MSH4: variants seen among roughly 807,000 people sequenced by gnomAD.
The protein encoded by MSH4 is mutS homolog 4.
Under a neutral mutation model 113.7 loss-of-function variants are expected in MSH4, and 106 were observed. The observed-to-expected ratio is 0.93, with a 90% confidence interval of 0.80 to 1.10. MSH4 has a LOEUF of 1.10. Ranked by LOEUF, MSH4 falls within the 50% of genes least tolerant of loss-of-function variation. The probability of loss-of-function intolerance (pLI) is 0.00; values close to 1 mark genes in which losing one functional copy is unlikely to be tolerated. For synonymous variants in MSH4, 368 were observed against 380.2 expected (o/e 0.97, Z 0.37); for missense variants, 1,061 against 1,093.7 (o/e 0.97, Z 0.42).
intron 7 of MSH4, among the ~76,000 whole-genome samples, chr1:75,843,702 CAG>C (rs1651018299): frequency 6.6e-6 from 1 of 152,018 alleles, no homozygotes; most frequent in Non-Finnish European, 1.5e-5. Flanking sequence ...ACCATAGAAA[CAG>C]AAAATTAGAA....
At chr1:75,798,281 G>T (rs191254835) in intron 1 of MSH4, among the ~76,000 whole-genome samples, 2 of 152,172 alleles carry the variant, frequency 1.3e-5, no homozygotes, top group East Asian at 3.9e-4. Context: ...TTCTTGACTG[G>T]TCTTCTCTTA....
intron 15 of MSH4, among the ~76,000 whole-genome samples, chr1:75,888,938 A>G (rs1323068496): frequency 3.0e-5 from 4 of 134,724 alleles, no homozygotes; most frequent in East Asian, 4.3e-4. Context: ...TCTGTCGCCC[A>G]GGCTGGAATG....
At chr1:75,871,348 G>A (rs940470036) in intron 9 of MSH4, among the ~76,000 whole-genome samples, 2 of 152,122 alleles carry the variant, frequency 1.3e-5, no homozygotes, top group African/African-American at 4.8e-5. Context: ...TGGGTGGGGA[G>A]ACAAACCCTA....
chr1:75,878,138 C>T lies in MSH4; in HGVS notation c.1371-11C>T, dbSNP rs764524591. The T allele has an allele frequency of 5.2e-6, 8 of 1,541,022 alleles. No individual in the cohort carries two copies. Among genetic ancestry groups the T allele is most frequent in the Admixed American group, 2.2e-5 (1 of 45,446 alleles). On this transcript the variant is annotated splice_polypyrimidine_tract_variant and intron_variant, in intron 10 of 19. Transcript: ENST00000263187. The stretch of plus-strand genomic sequence containing the variant: ...TTGCCTATAATGTTTTTCTTTTGGC[C>T]TTAATATTAGGTTTGGAATCATACT...
chr1:75,890,112 A>G (rs543478440), intron 16 of MSH4, among the ~76,000 whole-genome samples: 24 of 152,176 alleles, frequency 1.6e-4, no homozygotes, highest in Admixed American at 3.9e-4. Context: ...TCATAATATA[A>G]TAAAGATAAA....
chr1:75,870,107 G>A (rs573783168), intron 9 of MSH4, among the ~76,000 whole-genome samples: 4 of 152,328 alleles, frequency 2.6e-5, no homozygotes, highest in African/African-American at 4.8e-5. Flanking sequence ...ACATGGAGTC[G>A]AAGGAGATCA....
At chr1:75,896,056 G>T (rs1652373456) in intron 17 of MSH4, among the ~76,000 whole-genome samples, 1 of 152,084 alleles carries the variant, frequency 6.6e-6, no homozygotes, top group Non-Finnish European at 1.5e-5. Context: ...CCCTAGGGTG[G>T]ATGGGTCCCA....
rs538783902 is a variant in MSH4 at position 75,835,667 on chromosome 1, G to C, written c.1163-12542G>C. ...TTCTCTCCATGGCCTTCTTCTAAGA[G>C]GATTTAAACTTCCTCATGTCTCTCC... On this transcript the variant is annotated intron_variant, in intron 7 of 19. Coordinates refer to ENST00000263187, the MANE Select transcript of MSH4 (RefSeq NM_002440.4). Among the ~76,000 whole-genome samples, 5 of 152,154 alleles carry C rather than the reference G, an allele frequency of 3.3e-5. No individual in the cohort carries two copies. The East Asian group carries it at 7.7e-4, about 24-fold the overall frequency.
rs1478740529 is a variant in MSH4 at position 75,902,671 on chromosome 1, A to G, written c.2619+2965A>G. On this transcript the variant is annotated intron_variant, in intron 19 of 19. Coordinates refer to ENST00000263187, the MANE Select transcript of MSH4 (RefSeq NM_002440.4). ...CTAGGTACAGGTGTTATATATGTGT[A>G]TGTATATATATATATATATATATAT... Among the ~76,000 whole-genome samples, 802 of 100,234 alleles carry G rather than the reference A, an allele frequency of 8.0e-3. 17 individuals carry two copies. Among genetic ancestry groups the G allele is most frequent in the Admixed American group, 0.04 (333 of 8,424 alleles). 65.8% of individuals were successfully genotyped at this position (100,234 alleles called of 152,430 possible). A position where few individuals can be genotyped will look rare whatever the true frequency, so the allele number is the denominator to read the frequency against.
At chr1:75,880,405 C>A (rs1651905743) in intron 13 of MSH4, among the ~76,000 whole-genome samples, 1 of 152,068 alleles carries the variant, frequency 6.6e-6, no homozygotes, top group Non-Finnish European at 1.5e-5. Flanking sequence ...GAACTTGGCA[C>A]ATCAGGGGCT....
chr1:75,900,554 A>C (rs577392010), intron 19 of MSH4, among the ~76,000 whole-genome samples: 1 of 151,880 alleles, frequency 6.6e-6, no homozygotes, highest in Non-Finnish European at 1.5e-5. Context: ...TGATCCACCA[A>C]CCTCGGGCTC....
Position 75,912,690 on chromosome 1 carries a change from T to G in MSH4, c.2620-6T>G. On this transcript the variant is annotated splice_polypyrimidine_tract_variant and splice_region_variant and intron_variant, in intron 19 of 19. Coordinates refer to ENST00000263187, the MANE Select transcript of MSH4 (RefSeq NM_002440.4). ...TATATATATATTTTTTTTTTTTCAA[T>G]GACAGCAAAACCAAAGGAGTACCCC... is the stretch of plus-strand genomic sequence containing the variant. 6.8e-7 allele frequency: 1 copy of G among 1,461,770 alleles called. No homozygotes were observed. The highest frequency in any genetic ancestry group is 9.0e-7 in the Non-Finnish European group (1 of 1,111,792). The allele number at this position is 1,461,770 out of a possible 1,614,324, so 90.5% of individuals were successfully genotyped here.
At chr1:75,861,963 G>A (rs115204566) in intron 8 of MSH4, among the ~76,000 whole-genome samples, 1 of 152,006 alleles carries the variant, frequency 6.6e-6, no homozygotes, top group African/African-American at 2.4e-5. Flanking sequence ...TACACTGTGT[G>A]TATAGAACCA....
chr1:75,869,917 C>T (rs1291813128), intron 9 of MSH4, among the ~76,000 whole-genome samples: 2 of 152,206 alleles, frequency 1.3e-5, no homozygotes, highest in Non-Finnish European at 2.9e-5. Flanking sequence ...GTCCTCCAGA[C>T]TCCAGAATGG....
chr1:75,841,903 C>T (rs1399766415), intron 7 of MSH4, among the ~76,000 whole-genome samples: 2 of 152,118 alleles, frequency 1.3e-5, no homozygotes, highest in Non-Finnish European at 2.9e-5. Flanking sequence ...ATTTTTTAAA[C>T]TATTGGCGAA....
intron 5 of MSH4, among the ~76,000 whole-genome samples, chr1:75,815,368 A>C (rs985938486): frequency 6.6e-6 from 1 of 152,178 alleles, no homozygotes; most frequent in African/African-American, 2.4e-5. Context: ...TACACAAGGC[A>C]TATATTGCTA....
rs377632992 is a variant in MSH4, at chr1:75,835,682, C to T, written c.1163-12527C>T. ...TCTTCTAAGAGGATTTAAACTTCCTCATGTCTCTCCTATCTTTGTAAAAAC... is the reference window on the plus strand; with the variant it reads ...TCTTCTAAGAGGATTTAAACTTCCTTATGTCTCTCCTATCTTTGTAAAAAC... On this transcript the variant is annotated intron_variant, in intron 7 of 19. Coordinates refer to ENST00000263187, the MANE Select transcript of MSH4 (RefSeq NM_002440.4). 4.1e-4 allele frequency among the ~76,000 whole-genome samples: 62 copies of T among 152,286 alleles called. 1 individual carries two copies. The highest frequency in any genetic ancestry group is 1.5e-3 in the African/African-American group (61 of 41,564).
Position 75,896,394 on chromosome 1 carries a change from C to CACACACACACACACACACACACAT in MSH4, c.2356-1513_2356-1512insACACACACACACACACACACACAT, listed in dbSNP as rs571761055. On this transcript the variant is annotated intron_variant, in intron 17 of 19. Transcript: ENST00000263187. ...ACACACACACACACACACACACACA[C>CACACACACACACACACACACACAT]CCTATTGGTCTCTTTCTCTGGAGAA... Among the ~76,000 whole-genome samples the CACACACACACACACACACACACAT allele has an allele frequency of 4.8e-5, 7 of 147,178 alleles. 1 individual carries two copies. Among genetic ancestry groups the CACACACACACACACACACACACAT allele is most frequent in the Admixed American group, 1.4e-4 (2 of 14,540 alleles).
intron 1 of MSH4, among the ~76,000 whole-genome samples, chr1:75,798,124 G>A (rs561364871): frequency 6.6e-6 from 1 of 152,208 alleles, no homozygotes; most frequent in Admixed American, 6.5e-5. Context: ...TGTATTTAAT[G>A]TTCTTAATTT....
Sources: gnomAD v4.1 joint callset for allele counts (sites outside exome capture counted in the v4.1 genomes callset) on GRCh38, gnomAD v4.1.1 for gene constraint, MANE v1.5 for transcripts, NCBI Gene and HGNC (gene_info 2026-07-23, HGNC 2026-07-21) for gene names.